The following CLASP1 variants were observed in gnomAD, a reference collection of about 807,000 sequenced individuals.
CLASP1 encodes CLIP-associating protein 1.
CLASP1 carries 38 observed loss-of-function variants against 192.3 expected under a neutral mutation model. That is an observed-to-expected ratio of 0.20 (90% CI 0.15 to 0.26). The LOEUF (loss-of-function observed/expected upper bound fraction) is 0.26, where lower values mean the gene tolerates loss of function less well. Ranked by LOEUF, CLASP1 falls within the 10% of genes least tolerant of loss-of-function variation. The probability of loss-of-function intolerance (pLI) is 1.00; values close to 1 mark genes in which losing one functional copy is unlikely to be tolerated. For missense variants in CLASP1, 1,433 were observed against 1,932.5 expected, an observed-to-expected ratio of 0.74 and a Z score of 4.85; for synonymous variants, 691 against 712.8, an observed-to-expected ratio of 0.97 and a Z score of 0.49.
intron 6 of CLASP1, among the ~76,000 whole-genome samples, chr2:121,519,295 G>C (rs1472397815): frequency 6.6e-6 from 1 of 152,160 alleles, no homozygotes; most frequent in East Asian, 1.9e-4. Context: ...AAAATGAACT[G>C]AAACGCCTAC....
Position 121,495,155 on chromosome 2 carries a change from T to C in CLASP1, c.712+8012A>G, listed in dbSNP as rs1055778611. Among the ~76,000 whole-genome samples the C allele has an allele frequency of 2.6e-5, 4 of 152,048 alleles. No individual in the cohort carries two copies. In the East Asian group the frequency reaches 7.7e-4, roughly 29 times the overall value. On this transcript the variant is annotated intron_variant, in intron 8 of 39. Transcript: ENST00000263710. ...GGCTAACACAGTGAAACTCCATCTC[T>C]ACTAAAAATACAAACAAATTAGCTG...
intron 23 of CLASP1, among the ~76,000 whole-genome samples, chr2:121,416,168 T>C (rs2078537456): frequency 6.6e-6 from 1 of 152,168 alleles, no homozygotes; most frequent in Non-Finnish European, 1.5e-5. Flanking sequence ...CAACAGAATA[T>C]TCTAAAAAAA....
In CLASP1 at chr2:121,598,455, C is replaced by T. The variant is rs964410720; in HGVS notation, c.195+7246G>A. Among the ~76,000 whole-genome samples, 14 of 152,338 alleles carry T rather than the reference C, an allele frequency of 9.2e-5. No homozygotes were observed. In the South Asian group the frequency reaches 2.1e-3, roughly 23 times the overall value. Reference sequence around the variant, plus strand: ...ACCTGTCACTGCTTTTGCAATACAACGATTCATATTAGTTGAATATTTCAA... The same window carrying T: ...ACCTGTCACTGCTTTTGCAATACAATGATTCATATTAGTTGAATATTTCAA... On this transcript the variant is annotated intron_variant, in intron 2 of 39. Coordinates refer to ENST00000263710, the Ensembl canonical transcript of CLASP1.
intron 1 of CLASP1, among the ~76,000 whole-genome samples, chr2:121,644,966 CA>C (rs74265895): frequency 0.012 from 1,305 of 112,662 alleles, 8 homozygotes; most frequent in Non-Finnish European, 0.02. Flanking sequence ...AAAAAAAAAA[CA>C]AAAAAAAAAA....
intron 1 of CLASP1, among the ~76,000 whole-genome samples, chr2:121,612,262 T>G (rs1327610796): frequency 7.9e-6 from 1 of 126,494 alleles, no homozygotes. Context: ...GGAGGAGTTA[T>G]AGGAGGAAGA....
At chr2:121,409,109 T>TC in intron 24 of CLASP1, 1 of 1,365,206 alleles carries the variant, frequency 7.3e-7, no homozygotes, top group Admixed American at 2.2e-5. Context: ...CAGAAGCATA[T>TC]GTAGGGATTG....
chr2:121,410,807 G>A, intron 24 of CLASP1, 59 bp downstream of exon 25: 1 of 1,019,972 alleles, frequency 9.8e-7, no homozygotes, highest in Non-Finnish European at 1.4e-6. Flanking sequence ...TGTTAGGACA[G>A]AGAGAAATGC....
chr2:121,429,596 G>A (rs1246793389), intron 20 of CLASP1, among the ~76,000 whole-genome samples: 2 of 152,226 alleles, frequency 1.3e-5, no homozygotes, highest in Non-Finnish European at 2.9e-5. Context: ...GGCAAAGCAA[G>A]AGCCCACATG....
At chr2:121,535,228 G>A (rs1433034300) in intron 2 of CLASP1, among the ~76,000 whole-genome samples, 5 of 152,348 alleles carry the variant, frequency 3.3e-5, no homozygotes, top group East Asian at 3.9e-4. Context: ...AAGTTGCAGC[G>A]AGTGGAGATC....
intron 23 of CLASP1, among the ~76,000 whole-genome samples, chr2:121,413,370 A>G (rs907170991): frequency 3.9e-5 from 6 of 152,214 alleles, no homozygotes; most frequent in African/African-American, 1.4e-4. Context: ...GTTACCATCA[A>G]TGGTCTGAAA....
rs527715182 is a variant in CLASP1, at chr2:121,431,112, C to T, written c.1913-935G>A. Reference sequence around the variant, plus strand: ...TTTATGTTGTTCAAAATCACTTCTACCCCCACAAGCGACAAAGCTTACAGA... The same window carrying T: ...TTTATGTTGTTCAAAATCACTTCTATCCCCACAAGCGACAAAGCTTACAGA... On this transcript the variant is annotated intron_variant, in intron 19 of 39. Coordinates refer to ENST00000263710, the Ensembl canonical transcript of CLASP1. 6.6e-5 allele frequency among the ~76,000 whole-genome samples: 10 copies of T among 152,118 alleles called. No individual in the cohort carries two copies. The South Asian group carries it at 1.5e-3, about 22-fold the overall frequency.
At chr2:121,628,972 C>A (rs1332301255) in intron 1 of CLASP1, among the ~76,000 whole-genome samples, 1 of 148,926 alleles carries the variant, frequency 6.7e-6, no homozygotes, top group Non-Finnish European at 1.5e-5. Flanking sequence ...TCTTTTTTCT[C>A]TTTCTTTGTT....
intron 9 of CLASP1, among the ~76,000 whole-genome samples, chr2:121,464,506 T>C (rs1273884438): frequency 2.0e-5 from 3 of 152,208 alleles, no homozygotes; most frequent in Non-Finnish European, 4.4e-5. Context: ...CTCCAGCACC[T>C]GTCGTTTCCT....
At chr2:121,422,406 A>T (rs181100209) in intron 22 of CLASP1, among the ~76,000 whole-genome samples, 9 of 152,336 alleles carry the variant, frequency 5.9e-5, no homozygotes, top group Non-Finnish European at 1.2e-4. Context: ...CCACAGAATG[A>T]AAGCTGCAAA....
At chr2:121,566,235 A>G (rs1484093857) in intron 2 of CLASP1, among the ~76,000 whole-genome samples, 1 of 152,244 alleles carries the variant, frequency 6.6e-6, no homozygotes, top group Non-Finnish European at 1.5e-5. Flanking sequence ...CAGTGGGACC[A>G]CAGGCCAGAC....
chr2:121,370,943 C>T lies in CLASP1; in HGVS notation c.3643-3112G>A, dbSNP rs2068543947. On this transcript the variant is annotated intron_variant, in intron 34 of 39. Transcript: ENST00000263710. ...TGGGTGCCCATCTACAGAACATCAT[C>T]CACAGGAGGAATCATTGAGAAGCCA... Among the ~76,000 whole-genome samples, 4 of 152,146 alleles carry T rather than the reference C, an allele frequency of 2.6e-5. No homozygotes were observed. The South Asian group carries it at 8.3e-4, about 32-fold the overall frequency.
rs757756717 is a variant in CLASP1 at position 121,387,719 on chromosome 2, G to T, written c.3267+44C>A. On this transcript the variant is annotated intron_variant, in intron 31 of 39. Coordinates refer to ENST00000263710, the Ensembl canonical transcript of CLASP1. Reference sequence around the variant, plus strand: ...GGTTCTAGATAAGGGCTACGCAGAGGTCATGGACATCACATAGGCACCAAT... The same window carrying T: ...GGTTCTAGATAAGGGCTACGCAGAGTTCATGGACATCACATAGGCACCAAT... The T allele has an allele frequency of 1.9e-6, 3 of 1,603,184 alleles. No individual in the cohort carries two copies. The East Asian group carries it at 6.7e-5, about 36-fold the overall frequency.
chr2:121,517,460 T>C (rs760579740), intron 6 of CLASP1, among the ~76,000 whole-genome samples: 2 of 152,196 alleles, frequency 1.3e-5, no homozygotes, highest in African/African-American at 2.4e-5. Flanking sequence ...TTAGGCTATA[T>C]TGTCACCCAA....
intron 19 of CLASP1, among the ~76,000 whole-genome samples, chr2:121,431,819 G>T (rs542519877): frequency 4.0e-5 from 6 of 149,312 alleles, no homozygotes; most frequent in African/African-American, 1.5e-4. Context: ...TATTTAGAAC[G>T]TTTTTAAATT....
Sources: allele counts gnomAD v4.1 joint callset (sites outside exome capture counted in the v4.1 genomes callset), GRCh38; gene constraint gnomAD v4.1.1; transcripts MANE v1.5; gene names NCBI Gene and HGNC (gene_info 2026-07-23, HGNC 2026-07-21).